The following GRM5 variants were observed in gnomAD, a reference collection of about 807,000 sequenced individuals.
GRM5 encodes metabotropic glutamate receptor 5.
Under a neutral mutation model 83.1 loss-of-function variants are expected in GRM5, and 19 were observed. The ratio of observed to expected loss-of-function variants is 0.23; its 90% CI spans 0.16 to 0.34. GRM5 has a LOEUF of 0.34. Among genes scored for constraint, GRM5 ranks in the 10% least tolerant of loss-of-function variants. The pLI is 1.00. For synonymous variants in GRM5, 675 were observed against 633.6 expected (o/e 1.07, Z -0.98); for missense variants, 1,160 against 1,588.3 (o/e 0.73, Z 4.58).
intron 2 of GRM5, among the ~76,000 whole-genome samples, chr11:88,974,638 AT>A: frequency 6.6e-6 from 1 of 152,128 alleles, no homozygotes; most frequent in African/African-American, 2.4e-5. Flanking sequence ...CTAGGCCATC[AT>A]TTGTGTTTCA....
chr11:88,570,252 A>G (rs1942959327), intron 7 of GRM5, among the ~76,000 whole-genome samples: 1 of 152,094 alleles, frequency 6.6e-6, no homozygotes, highest in African/African-American at 2.4e-5. Context: ...TTCTTACTCT[A>G]AATAATTGTG....
chr11:89,037,385 T>C lies in GRM5; in HGVS notation c.661+9827A>G, dbSNP rs566246456. Among the ~76,000 whole-genome samples, 19 of 152,194 alleles carry C rather than the reference T, an allele frequency of 1.2e-4. No homozygotes were observed. In the East Asian group the frequency reaches 3.7e-3, roughly 29 times the overall value. On this transcript the variant is annotated intron_variant, in intron 2 of 9. Coordinates refer to ENST00000305447, the MANE Select transcript of GRM5 (RefSeq NM_001143831.3). ...CACTCCATTGTCCTATCCTGATGCG[T>C]ATACCATTTACCAAAATTATACCAA...
chr11:88,670,480 T>G (rs1940163230), intron 3 of GRM5, among the ~76,000 whole-genome samples: 1 of 151,922 alleles, frequency 6.6e-6, no homozygotes, highest in African/African-American at 2.4e-5. Context: ...GATCTTGTAG[T>G]GTGTGTGTAT....
chr11:88,768,231 A>AAT (rs1400887384), intron 3 of GRM5, among the ~76,000 whole-genome samples: 8 of 152,052 alleles, frequency 5.3e-5, no homozygotes, highest in Admixed American at 4.6e-4. Context: ...AAGAAAACAT[A>AAT]ATATATGCAT....
chr11:88,693,596 C>T (rs1376105006), intron 3 of GRM5, among the ~76,000 whole-genome samples: 1 of 152,172 alleles, frequency 6.6e-6, no homozygotes, highest in East Asian at 1.9e-4. Flanking sequence ...GGCAGACTTA[C>T]CCACCGATCA....
At chr11:88,644,016 C>T (rs1314022373) in intron 4 of GRM5, among the ~76,000 whole-genome samples, 2 of 152,150 alleles carry the variant, frequency 1.3e-5, no homozygotes, top group Admixed American at 6.6e-5. Context: ...GTGAGACTAA[C>T]CTTTTTGAAT....
At chr11:88,965,069 A>T (rs1252893774) in intron 2 of GRM5, among the ~76,000 whole-genome samples, 1 of 152,216 alleles carries the variant, frequency 6.6e-6, no homozygotes, top group Non-Finnish European at 1.5e-5. Context: ...TATAGGTGTT[A>T]TAAACACACC....
chr11:88,758,548 A>G (rs6483438), intron 3 of GRM5, among the ~76,000 whole-genome samples: 150,469 of 152,292 alleles, frequency 0.99, 74,357 homozygotes, highest in East Asian at 1. Context: ...AGAGAAAAAA[A>G]AATAAAAAGG....
At chr11:88,754,411 T>A (rs1444731555) in intron 3 of GRM5, among the ~76,000 whole-genome samples, 2 of 152,116 alleles carry the variant, frequency 1.3e-5, no homozygotes, top group African/African-American at 2.4e-5. Flanking sequence ...CCCATCCTGC[T>A]CCTGTACTCC....
rs148606902 is a variant in GRM5, at chr11:88,878,542, C to T, written c.662-28387G>A. Among the ~76,000 whole-genome samples, 662 of 152,258 alleles carry T rather than the reference C, an allele frequency of 4.3e-3. 5 individuals are homozygous for T. Among genetic ancestry groups the T allele is most frequent in the African/African-American group, 0.015 (621 of 41,562 alleles). ...CTTAAACAGAACAAAGGGACATATACTAGGCTGGCAACGGAGAAAGATATT... is the reference window on the plus strand; with the variant it reads ...CTTAAACAGAACAAAGGGACATATATTAGGCTGGCAACGGAGAAAGATATT... On this transcript the variant is annotated intron_variant, in intron 2 of 9. Coordinates refer to ENST00000305447, the MANE Select transcript of GRM5 (RefSeq NM_001143831.3).
chr11:88,877,412 T>C (rs1464247361), intron 2 of GRM5, among the ~76,000 whole-genome samples: 8 of 152,084 alleles, frequency 5.3e-5, no homozygotes, highest in African/African-American at 1.4e-4. Context: ...ACTCATACAT[T>C]ATTGGTGAGA....
At chr11:88,866,073 T>A (rs1944658680) in intron 2 of GRM5, among the ~76,000 whole-genome samples, 1 of 152,054 alleles carries the variant, frequency 6.6e-6, no homozygotes, top group South Asian at 2.1e-4. Context: ...ACCCAAAAGA[T>A]TATAAATCAT....
At chr11:89,021,857 T>C (rs1313662203) in intron 2 of GRM5, among the ~76,000 whole-genome samples, 2 of 152,168 alleles carry the variant, frequency 1.3e-5, no homozygotes, top group Non-Finnish European at 2.9e-5. Flanking sequence ...TTTTTTTCCA[T>C]AGATATTATG....
At chr11:88,730,454 G>A (rs1209284714) in intron 3 of GRM5, among the ~76,000 whole-genome samples, 2 of 152,166 alleles carry the variant, frequency 1.3e-5, no homozygotes, top group East Asian at 3.9e-4. Flanking sequence ...GTGGAAGACA[G>A]TGTGGCAATT....
chr11:89,014,218 G>A (rs1185786339), intron 2 of GRM5, among the ~76,000 whole-genome samples: 1 of 152,018 alleles, frequency 6.6e-6, no homozygotes, highest in African/African-American at 2.4e-5. Flanking sequence ...ATTGTTGCTA[G>A]TAACTCCACC....
At chr11:88,998,919 G>C (rs1194784254) in intron 2 of GRM5, among the ~76,000 whole-genome samples, 1 of 152,012 alleles carries the variant, frequency 6.6e-6, no homozygotes, top group Non-Finnish European at 1.5e-5. Flanking sequence ...GAAAGGTAAA[G>C]GAACTAGAAT....
At chr11:88,620,719 G>T (rs1028570552) in intron 4 of GRM5, among the ~76,000 whole-genome samples, 3 of 152,150 alleles carry the variant, frequency 2.0e-5, no homozygotes, top group Non-Finnish European at 4.4e-5. Flanking sequence ...TTCATCCTAT[G>T]CCTAACACTA....
At chr11:88,892,238 C>G (rs914600161) in intron 2 of GRM5, among the ~76,000 whole-genome samples, 11 of 151,640 alleles carry the variant, frequency 7.3e-5, no homozygotes, top group African/African-American at 2.2e-4. Flanking sequence ...TGTATGCTTC[C>G]CCCTTTAAAG....
intron 2 of GRM5, among the ~76,000 whole-genome samples, chr11:88,905,272 C>G (rs1366873219): frequency 2.0e-5 from 3 of 152,132 alleles, no homozygotes; most frequent in African/African-American, 7.2e-5. Context: ...AGGAGCCTGC[C>G]AAAGAGCAAA....
Sources: gnomAD v4.1 joint callset for allele counts (sites outside exome capture counted in the v4.1 genomes callset) on GRCh38, gnomAD v4.1.1 for gene constraint, MANE v1.5 for transcripts, NCBI Gene and HGNC (gene_info 2026-07-23, HGNC 2026-07-21) for gene names.